IQSEC1: variants seen among roughly 807,000 people sequenced by gnomAD.
IQSEC1 encodes IQ motif and Sec7 domain ArfGEF 1, also known as IQ motif and SEC7 domain-containing protein 1.
IQSEC1 carries 31 observed loss-of-function variants against 91.0 expected under a neutral mutation model. The observed-to-expected ratio is 0.34, with a 90% confidence interval of 0.26 to 0.46. The LOEUF is 0.46. Ranked by LOEUF, IQSEC1 falls within the 20% of genes least tolerant of loss-of-function variation. The pLI, the probability that IQSEC1 is intolerant of heterozygous loss-of-function variation, is 1.00. For synonymous variants in IQSEC1, 699 were observed against 662.6 expected (o/e 1.05, Z -0.84); for missense variants, 1,388 against 1,575.6 (o/e 0.88, Z 2.02).
At chr3:12,952,684 T>C (rs190884166) in intron 1 of IQSEC1, among the ~76,000 whole-genome samples, 1 of 152,272 alleles carries the variant, frequency 6.6e-6, no homozygotes, top group Non-Finnish European at 1.5e-5. Context: ...CCTGGCCTCC[T>C]GGCTGTTCCT....
intron 1 of IQSEC1, among the ~76,000 whole-genome samples, chr3:13,180,736 C>A (rs750597765): frequency 6.7e-6 from 1 of 150,080 alleles, no homozygotes; most frequent in African/African-American, 2.5e-5. Context: ...CCGGGAGGAA[C>A]GAACAACTCC....
At chr3:13,243,707 G>A (rs923875200) in intron 1 of IQSEC1, among the ~76,000 whole-genome samples, 2 of 151,202 alleles carry the variant, frequency 1.3e-5, no homozygotes, top group African/African-American at 2.4e-5. Context: ...CTGTCTGGAG[G>A]GGCATGTGGG....
intron 1 of IQSEC1, chr3:13,022,276 TGCCACAGGCCACTGCAGGGCTGA>T (rs1053375288): frequency 3.9e-5 from 48 of 1,219,602 alleles, no homozygotes; most frequent in Non-Finnish European, 4.6e-5. Flanking sequence ...AGGCACTGGC[TGCCACAGGCCACTGCAGGGCTGA>T]GCCACAGGCC....
chr3:13,239,017 T>G (rs1314537759), intron 1 of IQSEC1, among the ~76,000 whole-genome samples: 1 of 152,196 alleles, frequency 6.6e-6, no homozygotes, highest in Non-Finnish European at 1.5e-5. Flanking sequence ...TCCTCATTCC[T>G]GTCTCCGCTT....
chr3:13,136,590 G>A (rs1435147796), intron 2 of IQSEC1, among the ~76,000 whole-genome samples: 1 of 152,206 alleles, frequency 6.6e-6, no homozygotes, highest in Non-Finnish European at 1.5e-5. Flanking sequence ...CCACAGAAAA[G>A]GAGAAGCAGA....
intron 1 of IQSEC1, among the ~76,000 whole-genome samples, chr3:13,005,597 C>T (rs1271116685): frequency 6.6e-6 from 1 of 152,224 alleles, no homozygotes; most frequent in Non-Finnish European, 1.5e-5. Context: ...CAGCTCTCCA[C>T]CTGCTAGCTG....
Position 13,214,767 on chromosome 3 carries a change from T to C in IQSEC1, c.273-50634A>G, listed in dbSNP as rs900870799. Among the ~76,000 whole-genome samples the C allele has an allele frequency of 6.6e-6, 1 of 152,184 alleles. No homozygotes were observed. The highest frequency in any genetic ancestry group is 1.5e-5 in the Non-Finnish European group (1 of 68,024). On this transcript the variant is annotated intron_variant, in intron 1 of 15. Transcript: ENST00000648114. The surrounding 1 kb of genome is among the most constrained non-coding windows in gnomAD (Gnocchi z 4.5). ...CACCATGCCTGACCATGCAGCTGGTTTTCTGACCTTCCAGATGGTGTGCGG... is the reference window on the plus strand; with the variant it reads ...CACCATGCCTGACCATGCAGCTGGTCTTCTGACCTTCCAGATGGTGTGCGG...
At chr3:13,099,037 C>T (rs567356063) in intron 2 of IQSEC1, among the ~76,000 whole-genome samples, 23 of 152,082 alleles carry the variant, frequency 1.5e-4, no homozygotes, top group Non-Finnish European at 2.6e-4. Flanking sequence ...AGAGGACTTT[C>T]GGGGGATGGG....
intron 1 of IQSEC1, among the ~76,000 whole-genome samples, chr3:13,021,550 T>A (rs1183342620): frequency 6.6e-6 from 1 of 152,202 alleles, no homozygotes; most frequent in Non-Finnish European, 1.5e-5. Context: ...TTCACACCAC[T>A]AACAATGCCA....
At chr3:13,064,790 T>C (rs1198059119) in intron 1 of IQSEC1, among the ~76,000 whole-genome samples, 1 of 152,238 alleles carries the variant, frequency 6.6e-6, no homozygotes, top group Admixed American at 6.5e-5. Flanking sequence ...TTCATGCCCA[T>C]AAATATCTGT....
intron 1 of IQSEC1, among the ~76,000 whole-genome samples, chr3:13,043,829 C>T (rs1026658993): frequency 1.3e-5 from 2 of 152,212 alleles, no homozygotes; most frequent in African/African-American, 2.4e-5. Flanking sequence ...CAGGTTTGCA[C>T]AACCCGACAT....
intron 1 of IQSEC1, among the ~76,000 whole-genome samples, chr3:13,043,358 T>A (rs1481797797): frequency 6.6e-6 from 1 of 152,140 alleles, no homozygotes; most frequent in African/African-American, 2.4e-5. Context: ...AACCCTCCCA[T>A]GGCCCATTTC....
chr3:12,936,156 C>A lies in IQSEC1; in HGVS notation c.860G>T (p.Ser287Ile). The A allele has an allele frequency of 6.2e-7, 1 of 1,612,722 alleles. No homozygotes were observed. Among genetic ancestry groups the A allele is most frequent in the Non-Finnish European group, 8.5e-7 (1 of 1,179,934 alleles). The stretch of plus-strand genomic sequence containing the variant: ...CTCATCGATGTACAGGGTGACATCA[C>A]TGTACGAGGCCGTCATCTCGTCCAG... ...RKLDEMTASY[S>I]DVTLYIDEEE... The change falls in exon 3 of 14, where the codon AGT becomes ATT. Residue 287 changes from serine to isoleucine, a missense_variant. Transcript: ENST00000613206.
intron 1 of IQSEC1, among the ~76,000 whole-genome samples, chr3:13,267,621 C>CTT (rs559615780): frequency 7.4e-6 from 1 of 134,606 alleles, no homozygotes; most frequent in Non-Finnish European, 1.6e-5. Context: ...TTTTCTTTTT[C>CTT]TTTTTTTTTT....
chr3:13,234,830 G>A (rs1305712017), intron 1 of IQSEC1, among the ~76,000 whole-genome samples: 1 of 152,104 alleles, frequency 6.6e-6, no homozygotes, highest in African/African-American at 2.4e-5. Flanking sequence ...TGCTACTATT[G>A]AGGTCCCTGT....
chr3:13,202,909 G>C (rs77541229), intron 1 of IQSEC1, among the ~76,000 whole-genome samples: 2,377 of 152,298 alleles, frequency 0.016, 32 homozygotes, highest in African/African-American at 0.035. Flanking sequence ...GCCATTCTGA[G>C]CATGCTACAT....
chr3:13,167,730 T>C (rs1693526100), intron 1 of IQSEC1, among the ~76,000 whole-genome samples: 1 of 152,188 alleles, frequency 6.6e-6, no homozygotes, highest in Non-Finnish European at 1.5e-5. Flanking sequence ...CAAGTGATAG[T>C]GTTTGTCGCT....
At chr3:13,031,707 CA>C (rs1207018486) in intron 1 of IQSEC1, among the ~76,000 whole-genome samples, 1 of 151,780 alleles carries the variant, frequency 6.6e-6, no homozygotes, top group Non-Finnish European at 1.5e-5. Context: ...AAACGCTAAG[CA>C]AATTAATGAG....
chr3:13,047,415 C>T, intron 1 of IQSEC1: 1 of 901,464 alleles, frequency 1.1e-6, no homozygotes, highest in East Asian at 1.2e-4. Flanking sequence ...CCTCTGGGTG[C>T]AGATGGGCAG....
Sources: gnomAD v4.1 joint callset for allele counts (sites outside exome capture counted in the v4.1 genomes callset) on GRCh38, gnomAD v4.1.1 for gene constraint, Gnocchi (gnomAD v3.1) non-coding constraint, MANE v1.5 for transcripts, NCBI Gene and HGNC (gene_info 2026-07-23, HGNC 2026-07-21) for gene names.